The following CDIN1 variants were observed in gnomAD, a reference collection of about 807,000 sequenced individuals.
The protein encoded by CDIN1 is CDAN1 interacting nuclease 1, also known as CDAN1-interacting nuclease 1.
Under a neutral mutation model 45.3 loss-of-function variants are expected in CDIN1, and 33 were observed. The ratio of observed to expected loss-of-function variants is 0.73; its 90% confidence interval spans 0.55 to 0.97. The LOEUF (loss-of-function observed/expected upper bound fraction) is 0.97, where lower values mean the gene tolerates loss of function less well. CDIN1 is among the 50% of genes least tolerant of loss of function. CDIN1 has a pLI of 0.00. For synonymous variants in CDIN1, 118 were observed against 124.4 expected (o/e 0.95, Z 0.34); for missense variants, 303 against 339.4 (o/e 0.89, Z 0.84).
rs774728959 is a variant in CDIN1 at position 36,808,573 on chromosome 15, C to T, written c.*120C>T. 26 of 1,300,326 alleles carry T rather than the reference C, an allele frequency of 2.0e-5. No homozygotes were observed. Among genetic ancestry groups the T allele is most frequent in the Non-Finnish European group, 2.2e-5 (21 of 944,926 alleles). 80.5% of individuals were successfully genotyped at this position (1,300,326 alleles called of 1,614,324 possible). On this transcript the variant is annotated 3_prime_UTR_variant, in exon 11 of 11. Transcript: ENST00000566621. ...GAACTTCAGCTGAACTCTTGCTGCC[C>T]GTAGTCACACCACTACCTCTTTAGA... is the stretch of plus-strand genomic sequence containing the variant.
At chr15:36,798,183 A>G (rs1219935910) in intron 10 of CDIN1, among the ~76,000 whole-genome samples, 2 of 152,192 alleles carry the variant, frequency 1.3e-5, no homozygotes, top group African/African-American at 4.8e-5. Flanking sequence ...ACTGAAATAC[A>G]AGCTGCCCTC....
At chr15:36,801,453 A>G (rs1469799239) in intron 10 of CDIN1, among the ~76,000 whole-genome samples, 1 of 152,086 alleles carries the variant, frequency 6.6e-6, no homozygotes, top group African/African-American at 2.4e-5. Context: ...TTTAGGAGCA[A>G]AACTGGGGCC....
intron 10 of CDIN1, among the ~76,000 whole-genome samples, chr15:36,794,203 C>T (rs1035894387): frequency 8.6e-5 from 13 of 151,810 alleles, no homozygotes; most frequent in East Asian, 3.9e-4. Flanking sequence ...GGACTACAGG[C>T]GCCCGCCACC....
chr15:36,607,947 A>G (rs1409816541), intron 1 of CDIN1, among the ~76,000 whole-genome samples: 4 of 152,342 alleles, frequency 2.6e-5, no homozygotes, highest in South Asian at 2.1e-4. Context: ...GACATTTTGT[A>G]TAATGGATAT....
intron 1 of CDIN1, among the ~76,000 whole-genome samples, chr15:36,609,235 T>C (rs928723367): frequency 6.6e-6 from 1 of 152,158 alleles, no homozygotes; most frequent in Non-Finnish European, 1.5e-5. Context: ...AGGCTGGTCA[T>C]AAACTCCTGT....
chr15:36,675,842 A>C (rs1357675915), intron 5 of CDIN1, among the ~76,000 whole-genome samples: 1 of 152,124 alleles, frequency 6.6e-6, no homozygotes, highest in African/African-American at 2.4e-5. Flanking sequence ...CGCTGCAAAA[A>C]TATGTTAACC....
At chr15:36,647,115 C>T (rs1466268204) in intron 3 of CDIN1, among the ~76,000 whole-genome samples, 1 of 149,848 alleles carries the variant, frequency 6.7e-6, no homozygotes, top group East Asian at 2.0e-4. Context: ...CCTCAACCTC[C>T]TGGCCTCAGG....
intron 1 of CDIN1, among the ~76,000 whole-genome samples, chr15:36,625,520 A>T (rs936823399): frequency 6.6e-6 from 1 of 152,226 alleles, no homozygotes; most frequent in African/African-American, 2.4e-5. Context: ...GTATAAGCAA[A>T]ACCAGAAAAT....
intron 10 of CDIN1, among the ~76,000 whole-genome samples, chr15:36,727,298 T>C (rs1259301388): frequency 6.6e-6 from 1 of 150,914 alleles, no homozygotes; most frequent in East Asian, 1.9e-4. Flanking sequence ...ATTAGAAATG[T>C]AGACGCTGTT....
chr15:36,735,614 A>G lies in CDIN1; in HGVS notation c.716+25653A>G, dbSNP rs1213327808. 3.9e-5 allele frequency among the ~76,000 whole-genome samples: 6 copies of G among 152,252 alleles called. No homozygotes were observed. In the East Asian group the frequency reaches 1.2e-3, roughly 29 times the overall value. On this transcript the variant is annotated intron_variant, in intron 10 of 10. Transcript: ENST00000566621. Reference sequence around the variant, plus strand: ...AAATTTAAAAACTGTATATAGTCTTATTGCACTTTTAAAATTTAAAGTTGA... The same window carrying G: ...AAATTTAAAAACTGTATATAGTCTTGTTGCACTTTTAAAATTTAAAGTTGA...
intron 10 of CDIN1, among the ~76,000 whole-genome samples, chr15:36,792,392 C>T (rs1455673227): frequency 2.6e-5 from 4 of 152,138 alleles, no homozygotes; most frequent in African/African-American, 4.8e-5. Context: ...AATAAAGTTT[C>T]TGTGTAACTC....
intron 5 of CDIN1, among the ~76,000 whole-genome samples, chr15:36,671,092 A>G (rs2041433824): frequency 6.6e-6 from 1 of 152,106 alleles, no homozygotes; most frequent in South Asian, 2.1e-4. Flanking sequence ...AAGTCTCTGA[A>G]TTATTTGTAG....
At chr15:36,629,829 A>AC (rs1199274823) in intron 1 of CDIN1, among the ~76,000 whole-genome samples, 1 of 152,172 alleles carries the variant, frequency 6.6e-6, no homozygotes, top group African/African-American at 2.4e-5. Flanking sequence ...TCTTGTGATA[A>AC]CCAAGTTTAA....
intron 10 of CDIN1, among the ~76,000 whole-genome samples, chr15:36,757,903 T>C (rs1005253568): frequency 2.0e-5 from 3 of 152,184 alleles, no homozygotes; most frequent in African/African-American, 7.2e-5. Context: ...AAGATAGTTT[T>C]GAGAAAGAGA....
intron 10 of CDIN1, among the ~76,000 whole-genome samples, chr15:36,748,491 A>C (rs1207820542): frequency 6.6e-6 from 1 of 151,658 alleles, no homozygotes; most frequent in Non-Finnish European, 1.5e-5. Flanking sequence ...GTTTGCCTCC[A>C]GCAGAGGCCT....
intron 1 of CDIN1, among the ~76,000 whole-genome samples, chr15:36,583,001 ATTG>A (rs2037118861): frequency 1.3e-5 from 2 of 151,886 alleles, no homozygotes; most frequent in Non-Finnish European, 2.9e-5. Context: ...GTCTGTTGTT[ATTG>A]TTTATTGATT....
At chr15:36,665,631 C>T (rs535196062) in intron 5 of CDIN1, among the ~76,000 whole-genome samples, 27 of 152,176 alleles carry the variant, frequency 1.8e-4, no homozygotes, top group Non-Finnish European at 2.6e-4. Context: ...CCTGAAGAGA[C>T]GCACAGAATC....
intron 1 of CDIN1, among the ~76,000 whole-genome samples, 173 bp from the exon 2 acceptor site, chr15:36,644,105 C>T (rs1448977524): frequency 2.0e-5 from 3 of 152,314 alleles, no homozygotes; most frequent in East Asian, 1.9e-4. Flanking sequence ...CTCTCCTTGA[C>T]CCAGCGGCAG....
intron 5 of CDIN1, among the ~76,000 whole-genome samples, chr15:36,667,919 T>A (rs2041312645): frequency 6.6e-6 from 1 of 152,156 alleles, no homozygotes. Context: ...TAATTTCTGC[T>A]TCATTCAGGA....
Sources: gnomAD v4.1 joint callset for allele counts (sites outside exome capture counted in the v4.1 genomes callset) on GRCh38, gnomAD v4.1.1 for gene constraint, MANE v1.5 for transcripts, NCBI Gene and HGNC (gene_info 2026-07-23, HGNC 2026-07-21) for gene names.